MYO9B: variants seen among roughly 807,000 people sequenced by gnomAD.
The protein encoded by MYO9B is unconventional myosin-IXb.
MYO9B carries 71 observed loss-of-function variants against 229.5 expected under a neutral mutation model. That is an observed-to-expected ratio of 0.31 (90% CI 0.26 to 0.38). MYO9B has a LOEUF of 0.38. MYO9B is among the 10% of genes least tolerant of loss of function. The probability of loss-of-function intolerance (pLI) is 1.00; values close to 1 mark genes in which losing one functional copy is unlikely to be tolerated. For missense variants in MYO9B, 2,255 were observed against 2,920.5 expected, an observed-to-expected ratio of 0.77 and a Z score of 5.25; for synonymous variants, 1,185 against 1,235.8, an observed-to-expected ratio of 0.96 and a Z score of 0.86.
At chr19:17,125,957 C>G (rs943491187) in intron 2 of MYO9B, among the ~76,000 whole-genome samples, 7 of 152,198 alleles carry the variant, frequency 4.6e-5, no homozygotes, top group Non-Finnish European at 8.8e-5. Context: ...GCAGCTGCCT[C>G]CTGTGCAGGC....
At chr19:17,135,394 C>T (rs1224668564) in intron 2 of MYO9B, among the ~76,000 whole-genome samples, 1 of 151,996 alleles carries the variant, frequency 6.6e-6, no homozygotes, top group African/African-American at 2.4e-5. Context: ...GATTATATCG[C>T]ATAGTTGTTG....
intron 2 of MYO9B, among the ~76,000 whole-genome samples, chr19:17,130,329 G>A (rs2072178872): frequency 6.6e-6 from 1 of 151,368 alleles, no homozygotes; most frequent in African/African-American, 2.4e-5. Flanking sequence ...AAATTAGCCG[G>A]GCATTGGCCG....
rs1462532184 is a variant in MYO9B, at chr19:17,075,795, T to A, written c.-138T>A. The A allele has an allele frequency of 6.6e-6, 1 of 152,064 alleles. No individual in the cohort carries two copies. Among genetic ancestry groups the A allele is most frequent in the Non-Finnish European group, 1.5e-5 (1 of 68,422 alleles). 9.4% of individuals were successfully genotyped at this position (152,064 alleles called of 1,614,324 possible). On this transcript the variant is annotated 5_prime_UTR_variant, in exon 1 of 40. Transcript: ENST00000682292. The stretch of plus-strand genomic sequence containing the variant: ...GGCGGGCGCGGCGGGGCGGAGCGGC[T>A]CGAGCAGCGGCGGGCTGGCAGGCGG...
chr19:17,159,372 C>T (rs765358926), intron 7 of MYO9B, 23 bp from the exon 8 acceptor site: 6 of 1,579,474 alleles, frequency 3.8e-6, no homozygotes, highest in Admixed American at 1.8e-5. Flanking sequence ...TTTTCCTTCT[C>T]CCTCTCCTTG....
chr19:17,172,995 TC>T lies in MYO9B; in HGVS notation c.2140+33del. 6.3e-7 allele frequency: 1 copy of T among 1,591,104 alleles called. No individual in the cohort carries two copies. Among genetic ancestry groups the T allele is most frequent in the South Asian group, 1.1e-5 (1 of 90,736 alleles). On this transcript the variant is annotated intron_variant, in intron 13 of 39. Transcript: ENST00000682292. This position sits in a 1 kb window ranked among gnomAD's most constrained non-coding sequence, Gnocchi z 8.2. ...GCTGGGGCGTGAACCCACAAAAGCGTCACTGTCGAGAGGGGGGCACATCCTG... is the reference window on the plus strand; with the variant it reads ...GCTGGGGCGTGAACCCACAAAAGCGTACTGTCGAGAGGGGGGCACATCCTG...
At chr19:17,130,817 C>T (rs2072187368) in intron 2 of MYO9B, among the ~76,000 whole-genome samples, 1 of 151,864 alleles carries the variant, frequency 6.6e-6, no homozygotes, top group African/African-American at 2.4e-5. Context: ...ATAGGACGTT[C>T]AACCCTGGAT....
At chr19:17,198,130 T>C in intron 23 of MYO9B, 54 bp from the exon 24 acceptor site, 1 of 1,606,518 alleles carries the variant, frequency 6.2e-7, no homozygotes, top group East Asian at 2.2e-5. Flanking sequence ...CTTCCCCATC[T>C]AGCACAGGAC....
intron 10 of MYO9B, among the ~76,000 whole-genome samples, chr19:17,165,577 A>T (rs1219448936): frequency 2.7e-5 from 4 of 147,018 alleles, no homozygotes; most frequent in African/African-American, 9.8e-5. Flanking sequence ...CCTGTCTCTA[A>T]AAAAAAAAAA....
In MYO9B at chr19:17,172,564, C is replaced by T. The variant is rs1267100928; in HGVS notation, c.1935+87C>T. ...CCATGTGGGAGGATCCTCCTGTGGG[C>T]GAGGTTCCAGGGTGCTCAGAACCCA... On this transcript the variant is annotated intron_variant, in intron 12 of 39. Coordinates refer to ENST00000682292, the MANE Select transcript of MYO9B (RefSeq NM_004145.4). This position sits in a 1 kb window ranked among gnomAD's most constrained non-coding sequence, Gnocchi z 8.2. 9.0e-6 allele frequency: 14 copies of T among 1,551,972 alleles called. No homozygotes were observed. In the Admixed American group the frequency reaches 9.4e-5, roughly 10 times the overall value.
intron 6 of MYO9B, among the ~76,000 whole-genome samples, chr19:17,156,228 T>C (rs940074987): frequency 1.3e-5 from 2 of 151,966 alleles, no homozygotes; most frequent in Admixed American, 6.6e-5. Context: ...GTCAGAGGGA[T>C]CCGTACACTT....
rs2145533256 is a variant in MYO9B, at chr19:17,211,957, G to GGCCC, written c.6121_6122insGCCC (p.Ala2041GlyfsTer160). The stretch of plus-strand genomic sequence containing the variant: ...CACCCCGAGCCCCCTCCCCACCGTG[G>GGCCC]CCGCCCCTCCACGACGAAGGCCGTC... On this transcript the variant is annotated frameshift_variant, in exon 40 of 40. Transcript: ENST00000682292. LOFTEE classifies it low-confidence loss of function (END_TRUNC). 1 of 1,552,830 alleles carries GGCCC rather than the reference G, an allele frequency of 6.4e-7. No homozygotes were observed. The highest frequency in any genetic ancestry group is 8.7e-7 in the Non-Finnish European group (1 of 1,149,472).
intron 24 of MYO9B, among the ~76,000 whole-genome samples, chr19:17,199,070 G>C (rs1298474064): frequency 6.6e-6 from 1 of 152,136 alleles, no homozygotes; most frequent in Non-Finnish European, 1.5e-5. Context: ...AGGCAGGGCG[G>C]TGCATGCCTG....
intron 38 of MYO9B, 130 bp from the exon 39 acceptor site, chr19:17,211,514 ATCC>A: frequency 1.2e-6 from 1 of 844,580 alleles, no homozygotes; most frequent in Non-Finnish European, 1.8e-6. Context: ...GGCTCAAGCA[ATCC>A]TCCTGCTTGG....
chr19:17,199,324 C>A (rs1484786960), intron 24 of MYO9B, among the ~76,000 whole-genome samples: 1 of 152,094 alleles, frequency 6.6e-6, no homozygotes, highest in Non-Finnish European at 1.5e-5. Context: ...GAGTTTGAGG[C>A]TGTAGCGAGC....
At chr19:17,200,239 C>T in intron 24 of MYO9B, 54 bp from the exon 25 acceptor site, 5 of 1,574,778 alleles carry the variant, frequency 3.2e-6, no homozygotes, top group Middle Eastern at 1.7e-4. Context: ...GAGGCTGGGC[C>T]TCACGTCCAT....
At chr19:17,093,858 A>AATTT (rs202021707) in intron 1 of MYO9B, among the ~76,000 whole-genome samples, 20,593 of 145,534 alleles carry the variant, frequency 0.14, 1,558 homozygotes, top group Middle Eastern at 0.17. Flanking sequence ...ATGCCCAGCT[A>AATTT]ATTTATTTAT....
At chr19:17,187,727 C>T (rs987844798) in intron 18 of MYO9B, among the ~76,000 whole-genome samples, 9 of 152,240 alleles carry the variant, frequency 5.9e-5, no homozygotes, top group South Asian at 2.1e-4. Context: ...TCCAGGTGCT[C>T]CTGGCTGCCG....
intron 1 of MYO9B, among the ~76,000 whole-genome samples, chr19:17,097,818 G>T (rs1309066507): frequency 1.3e-5 from 2 of 152,134 alleles, no homozygotes; most frequent in Non-Finnish European, 2.9e-5. Context: ...TGCTTTGAAG[G>T]GCTGGATAGT....
chr19:17,093,250 T>C (rs1171442264), intron 1 of MYO9B, among the ~76,000 whole-genome samples: 1 of 152,080 alleles, frequency 6.6e-6, no homozygotes, highest in Non-Finnish European at 1.5e-5. Context: ...GGAAAATGGC[T>C]TGAACCTGGA....
Sources: allele counts gnomAD v4.1 joint callset (sites outside exome capture counted in the v4.1 genomes callset), GRCh38; gene constraint gnomAD v4.1.1; non-coding constraint Gnocchi (gnomAD v3.1); transcripts MANE v1.5; gene names NCBI Gene and HGNC (gene_info 2026-07-23, HGNC 2026-07-21).